Variants in NHS observed in about 807,000 individuals in gnomAD.
NHS encodes the protein actin remodeling regulator NHS.
Under a neutral mutation model 72.5 loss-of-function variants are expected in NHS, and 5 were observed. The ratio of observed to expected loss-of-function variants is 0.07; its 90% CI spans 0.04 to 0.14. The LOEUF (loss-of-function observed/expected upper bound fraction) is 0.14, where lower values mean the gene tolerates loss of function less well. Ranked by LOEUF, NHS falls within the 10% of genes least tolerant of loss-of-function variation. The probability of loss-of-function intolerance (pLI) is 1.00; values close to 1 mark genes in which losing one functional copy is unlikely to be tolerated. For missense variants in NHS, 1,072 were observed against 1,355.7 expected (o/e 0.79, Z 3.29); for synonymous variants, 464 against 547.7 (o/e 0.85, Z 2.13).
intron 1 of NHS, among the ~76,000 whole-genome samples, chrX:17,638,956 C>T (rs1210069666): frequency 1.8e-5 from 2 of 111,682 alleles, no homozygotes; most frequent in Non-Finnish European, 3.8e-5. Context: ...CAACAGTGTG[C>T]CTAGGGGAGG....
At chrX:17,678,302 G>C (rs757743830) in intron 1 of NHS, among the ~76,000 whole-genome samples, 9 of 109,217 alleles carry the variant, frequency 8.2e-5, no homozygotes, top group Non-Finnish European at 1.5e-4. Context: ...GTGAGAGAGA[G>C]AGAGAGAGAG....
intron 1 of NHS, among the ~76,000 whole-genome samples, chrX:17,660,932 T>C (rs768786272): frequency 1.2e-3 from 139 of 112,521 alleles, no homozygotes; most frequent in Non-Finnish European, 2.1e-3. Context: ...GAGGAGTTGA[T>C]GGTACATTAA....
intron 1 of NHS, among the ~76,000 whole-genome samples, chrX:17,522,490 GCCGCCCCCCCCCCC>G (rs2065153246): frequency 8.7e-5 from 1 of 11,461 alleles, no homozygotes; most frequent in Admixed American, 1.2e-3. Flanking sequence ...GTAGCCAGAA[GCCGCCCCCCCCCCC>G]CCGCCCCATC....
At chrX:17,566,421 A>C (rs940629358) in intron 1 of NHS, among the ~76,000 whole-genome samples, 4 of 112,007 alleles carry the variant, frequency 3.6e-5, no homozygotes, top group African/African-American at 1.3e-4. Context: ...TGATTTCTTT[A>C]ATGTTGCACA....
intron 1 of NHS, among the ~76,000 whole-genome samples, chrX:17,509,198 T>G (rs1277250080): frequency 7.7e-5 from 7 of 90,401 alleles, no homozygotes; most frequent in Non-Finnish European, 1.5e-4. Context: ...CAGGTAATAG[T>G]TACAAGTAAT....
chrX:17,601,811 C>G (rs1004993333), intron 1 of NHS, among the ~76,000 whole-genome samples: 1 of 111,724 alleles, frequency 9.0e-6, no homozygotes, highest in African/African-American at 3.2e-5. Context: ...GTGCTTCATT[C>G]GATCCCACCC....
intron 1 of NHS, among the ~76,000 whole-genome samples, chrX:17,541,767 AACACACACACACAC>A (rs57700886): frequency 1.9e-4 from 12 of 62,916 alleles, no homozygotes; most frequent in African/African-American, 4.4e-4. Flanking sequence ...TGAGTTTGCG[AACACACACACACAC>A]ACACACACAC....
At chrX:17,684,984 G>A (rs760897761) in intron 1 of NHS, among the ~76,000 whole-genome samples, 3 of 112,526 alleles carry the variant, frequency 2.7e-5, no homozygotes, top group South Asian at 3.7e-4. Context: ...TAAAAAGGGA[G>A]GAAAAGGGAG....
chrX:17,603,828 G>A (rs2065664826), intron 1 of NHS, among the ~76,000 whole-genome samples: 1 of 110,977 alleles, frequency 9.0e-6, no homozygotes, highest in Admixed American at 9.6e-5. Flanking sequence ...ATAAGCTATG[G>A]AAACTTCTTT....
chrX:17,410,664 A>G (rs1231586367), intron 1 of NHS, among the ~76,000 whole-genome samples: 1 of 109,520 alleles, frequency 9.1e-6, no homozygotes, highest in Admixed American at 9.9e-5. Context: ...GCCTTTGTTT[A>G]AATTACTTAT....
chrX:17,633,282 C>A (rs1011793415), intron 1 of NHS, among the ~76,000 whole-genome samples: 3 of 112,021 alleles, frequency 2.7e-5, no homozygotes, highest in African/African-American at 9.7e-5. Flanking sequence ...CTGCTGATCT[C>A]TTTTTGTGTT....
In NHS at chrX:17,727,752, C is replaced by A. The variant is rs200445700; in HGVS notation, c.3646C>A (p.His1216Asn). 5.8e-6 allele frequency: 7 copies of A among 1,211,335 alleles called. No individual in the cohort carries two copies. Among genetic ancestry groups the A allele is most frequent in the Non-Finnish European group, 7.8e-6 (7 of 895,258 alleles). Reference protein sequence around the residue: ...SAVEMGPDKLHLEKNSTFDVK... With the variant: ...SAVEMGPDKLNLEKNSTFDVK... ...AGTTGAGATGGGACCAGATAAACTA[C>A]ATTTAGAAAAAAACTCTACTTTTGA... The change falls in exon 7 of 9, where the codon CAT becomes AAT. Residue 1216 changes from histidine to asparagine, a missense_variant. Physicochemically the swap from His to Asn is moderately conservative, Grantham distance 68. Coordinates refer to ENST00000676302, the MANE Select transcript of NHS (RefSeq NM_001291867.2).
intron 1 of NHS, among the ~76,000 whole-genome samples, chrX:17,438,216 A>T (rs947179628): frequency 4.5e-5 from 5 of 111,566 alleles, no homozygotes; most frequent in Admixed American, 3.8e-4. Context: ...CTCCCAGGGG[A>T]TGCCAGTTGT....
intron 1 of NHS, among the ~76,000 whole-genome samples, chrX:17,645,584 C>T (rs891339833): frequency 3.6e-5 from 4 of 111,209 alleles, no homozygotes; most frequent in African/African-American, 1.3e-4. Flanking sequence ...CAGGGAGGAC[C>T]TCAGTGTGGT....
chrX:17,558,424 T>A (rs2065392909), intron 1 of NHS, among the ~76,000 whole-genome samples: 1 of 112,111 alleles, frequency 8.9e-6, no homozygotes, highest in African/African-American at 3.2e-5. Flanking sequence ...CTTTGTGGAG[T>A]CAATGGTAAC....
intron 1 of NHS, among the ~76,000 whole-genome samples, chrX:17,647,858 G>T (rs1473688010): frequency 8.9e-6 from 1 of 112,043 alleles, no homozygotes; most frequent in Non-Finnish European, 1.9e-5. Context: ...GAGGAGGAAA[G>T]GTGGTCTTCT....
At chrX:17,402,099 T>C (rs2064505565) in intron 1 of NHS, among the ~76,000 whole-genome samples, 1 of 111,690 alleles carries the variant, frequency 9.0e-6, no homozygotes, top group African/African-American at 3.3e-5. Flanking sequence ...ACATCACTAG[T>C]CACCAAGGCA....
intron 1 of NHS, among the ~76,000 whole-genome samples, chrX:17,499,106 T>C (rs2065026408): frequency 8.9e-6 from 1 of 112,126 alleles, no homozygotes; most frequent in African/African-American, 3.2e-5. Flanking sequence ...TCTGACTGTG[T>C]GATCAAAATC....
At chrX:17,712,288 T>TACACAC (rs1398803769) in intron 3 of NHS, among the ~76,000 whole-genome samples, 1 of 74,161 alleles carries the variant, frequency 1.3e-5, no homozygotes, top group Non-Finnish European at 2.5e-5. Context: ...TATATATATA[T>TACACAC]ATACACACAC....
Sources: allele counts gnomAD v4.1 joint callset (sites outside exome capture counted in the v4.1 genomes callset), GRCh38; gene constraint gnomAD v4.1.1; transcripts MANE v1.5; gene names NCBI Gene and HGNC (gene_info 2026-07-23, HGNC 2026-07-21).